The following PTPRT variants were observed in gnomAD, a reference collection of about 807,000 sequenced individuals.
PTPRT encodes protein tyrosine phosphatase receptor type T, also known as receptor-type tyrosine-protein phosphatase T.
Under a neutral mutation model 176.8 loss-of-function variants are expected in PTPRT, and 56 were observed. That is an observed-to-expected ratio of 0.32 (90% confidence interval 0.26 to 0.40). PTPRT has a LOEUF of 0.40. PTPRT is among the 10% of genes least tolerant of loss of function. The probability of loss-of-function intolerance (pLI) is 1.00; values close to 1 mark genes in which losing one functional copy is unlikely to be tolerated. For synonymous variants in PTPRT, 783 were observed against 739.0 expected, an observed-to-expected ratio of 1.06 and a Z score of -0.96; for missense variants, 1,540 against 1,908.2, an observed-to-expected ratio of 0.81 and a Z score of 3.60.
Position 42,115,155 on chromosome 20 carries a change from G to C in PTPRT, c.3099+44C>G, listed in dbSNP as rs747568705. ...ATGTTCTGGATGAACAAACAAGCTG[G>C]CTCTCATGGTGGACCGGCTGCCCAC... On this transcript the variant is annotated intron_variant, in intron 22 of 30. Coordinates refer to ENST00000373187, the MANE Select transcript of PTPRT (RefSeq NM_007050.6). 4 of 1,390,536 alleles carry C rather than the reference G, an allele frequency of 2.9e-6. No individual in the cohort carries two copies. The East Asian group carries it at 6.9e-5, about 24-fold the overall frequency. The allele number at this position is 1,390,536 out of a possible 1,614,324, so 86.1% of individuals were successfully genotyped here.
At chr20:42,383,712 A>G (rs2058717379) in intron 9 of PTPRT, among the ~76,000 whole-genome samples, 1 of 152,218 alleles carries the variant, frequency 6.6e-6, no homozygotes, top group Non-Finnish European at 1.5e-5. Flanking sequence ...TATCATGTGT[A>G]GGGCCAAGGC....
At chr20:42,319,391 A>G (rs1310841331) in intron 11 of PTPRT, among the ~76,000 whole-genome samples, 1 of 152,016 alleles carries the variant, frequency 6.6e-6, no homozygotes, top group Non-Finnish European at 1.5e-5. Flanking sequence ...TCCATATGAA[A>G]TTACAAAGAA....
At chr20:42,729,261 C>A (rs2146258246) in intron 6 of PTPRT, among the ~76,000 whole-genome samples, 1 of 152,220 alleles carries the variant, frequency 6.6e-6, no homozygotes, top group South Asian at 2.1e-4. Flanking sequence ...CTTTCTGAGT[C>A]TACCCAGGGG....
At chr20:42,688,824 T>A (rs942242472) in intron 6 of PTPRT, among the ~76,000 whole-genome samples, 1 of 152,178 alleles carries the variant, frequency 6.6e-6, no homozygotes, top group African/African-American at 2.4e-5. Flanking sequence ...AGATATCATA[T>A]TCTGCCTAAC....
At chr20:42,544,004 G>A (rs1255873545) in intron 7 of PTPRT, among the ~76,000 whole-genome samples, 1 of 152,124 alleles carries the variant, frequency 6.6e-6, no homozygotes, top group African/African-American at 2.4e-5. Flanking sequence ...CAGAGCACAG[G>A]CAGGGTAGAT....
intron 27 of PTPRT, among the ~76,000 whole-genome samples, chr20:42,097,197 C>T (rs747000831): frequency 1.1e-4 from 17 of 152,182 alleles, no homozygotes; most frequent in Non-Finnish European, 1.9e-4. Flanking sequence ...TGCTGCCAAC[C>T]AAGACCCAAG....
chr20:42,900,282 C>T (rs982740064), intron 1 of PTPRT, among the ~76,000 whole-genome samples: 2 of 152,196 alleles, frequency 1.3e-5, no homozygotes, highest in Admixed American at 1.3e-4. Flanking sequence ...CCAGGTCCTT[C>T]CCATTCAGTC....
chr20:42,445,135 G>A (rs529016061), intron 9 of PTPRT, among the ~76,000 whole-genome samples: 11 of 152,318 alleles, frequency 7.2e-5, no homozygotes, highest in Admixed American at 6.5e-4. Flanking sequence ...ACCACGCTAA[G>A]TTGCAGAAAG....
chr20:42,357,559 T>A (rs2058374518), intron 9 of PTPRT, among the ~76,000 whole-genome samples: 1 of 152,178 alleles, frequency 6.6e-6, no homozygotes, highest in Non-Finnish European at 1.5e-5. Context: ...ATTTCTTTAC[T>A]CCTGGAAGAC....
chr20:42,818,324 GACA>G (rs2077827005), intron 2 of PTPRT, among the ~76,000 whole-genome samples: 1 of 151,166 alleles, frequency 6.6e-6, no homozygotes, highest in African/African-American at 2.4e-5. Flanking sequence ...AGCAGAAAGT[GACA>G]ACAACAGCAT....
At chr20:42,240,718 C>CATGCATGCATGCATCCATCCAT (rs1568700130) in intron 14 of PTPRT, among the ~76,000 whole-genome samples, 7 of 46,110 alleles carry the variant, frequency 1.5e-4, no homozygotes, top group Middle Eastern at 0.013. Flanking sequence ...ATCCATCCAT[C>CATGCATGCATGCATCCATCCAT]CCATCCATCC....
intron 1 of PTPRT, among the ~76,000 whole-genome samples, chr20:42,889,116 C>T (rs1406107172): frequency 6.6e-6 from 1 of 152,070 alleles, no homozygotes; most frequent in Non-Finnish European, 1.5e-5. Context: ...TGTAGGTAGA[C>T]ACTCAGCTGA....
At chr20:42,433,687 G>A (rs144190184) in intron 9 of PTPRT, among the ~76,000 whole-genome samples, 73 of 152,276 alleles carry the variant, frequency 4.8e-4, no homozygotes, top group African/African-American at 1.7e-3. Flanking sequence ...CTAACCTCGA[G>A]TTTATGGATC....
chr20:43,064,449 G>A (rs116047175), intron 1 of PTPRT, among the ~76,000 whole-genome samples: 272 of 152,192 alleles, frequency 1.8e-3, no homozygotes, highest in African/African-American at 6.1e-3. Context: ...GTCTTGACTC[G>A]CATACCCTCC....
chr20:42,856,474 A>G (rs1442393771), intron 2 of PTPRT, among the ~76,000 whole-genome samples: 1 of 152,114 alleles, frequency 6.6e-6, no homozygotes, highest in Non-Finnish European at 1.5e-5. Flanking sequence ...TAAATAGATC[A>G]CTGCTTTGTA....
At chr20:42,358,209 ACT>A (rs946918371) in intron 9 of PTPRT, among the ~76,000 whole-genome samples, 3 of 151,340 alleles carry the variant, frequency 2.0e-5, no homozygotes, top group South Asian at 2.1e-4. Flanking sequence ...GGGGTATAAA[ACT>A]CTCTCTTTTT....
intron 6 of PTPRT, among the ~76,000 whole-genome samples, chr20:42,728,384 C>T (rs553210697): frequency 3.9e-4 from 59 of 152,292 alleles, no homozygotes; most frequent in African/African-American, 1.0e-3. Context: ...CAGTGCCTCA[C>T]TTGTGAGCAA....
intron 1 of PTPRT, among the ~76,000 whole-genome samples, chr20:42,911,722 C>T (rs189644812): frequency 9.2e-5 from 14 of 152,188 alleles, no homozygotes; most frequent in Admixed American, 5.2e-4. Flanking sequence ...CCCTCTAAAC[C>T]GCATTTTTCC....
At chr20:42,728,417 G>C (rs184230554) in intron 6 of PTPRT, among the ~76,000 whole-genome samples, 111 of 152,258 alleles carry the variant, frequency 7.3e-4, no homozygotes, top group Non-Finnish European at 1.2e-3. Context: ...ATCTTGCAAG[G>C]GGGGAGAGGT....
Sources: gnomAD v4.1 joint callset for allele counts (sites outside exome capture counted in the v4.1 genomes callset) on GRCh38, gnomAD v4.1.1 for gene constraint, MANE v1.5 for transcripts, NCBI Gene and HGNC (gene_info 2026-07-23, HGNC 2026-07-21) for gene names.